Variants in DLGAP1 observed in about 807,000 individuals in gnomAD.
DLGAP1 encodes the protein DLG associated protein 1.
A neutral mutation model predicts 90.8 loss-of-function variants in DLGAP1; 11 were observed. The ratio of observed to expected loss-of-function variants is 0.12; its 90% CI spans 0.08 to 0.20. The LOEUF is 0.20. Ranked by LOEUF, DLGAP1 falls within the 10% of genes least tolerant of loss-of-function variation. DLGAP1 has a pLI of 1.00. For synonymous variants in DLGAP1, 558 were observed against 540.7 expected (o/e 1.03, Z -0.44); for missense variants, 1,050 against 1,333.8 (o/e 0.79, Z 3.31).
chr18:4,440,293 T>C (rs1300385737), intron 1 of DLGAP1, among the ~76,000 whole-genome samples: 6 of 152,156 alleles, frequency 3.9e-5, no homozygotes, highest in Non-Finnish European at 8.8e-5. Flanking sequence ...GATTGTGATG[T>C]GATGTACTCA....
intron 5 of DLGAP1, among the ~76,000 whole-genome samples, chr18:3,743,448 G>A (rs945583264): frequency 1.1e-4 from 16 of 148,836 alleles, no homozygotes; most frequent in Admixed American, 2.7e-4. Context: ...TCCACCTCCC[G>A]GGTTCATGCC....
At chr18:4,085,374 T>C (rs1301982209) in intron 2 of DLGAP1, among the ~76,000 whole-genome samples, 1 of 152,128 alleles carries the variant, frequency 6.6e-6, no homozygotes, top group African/African-American at 2.4e-5. Flanking sequence ...TCTGCTTCCT[T>C]TTCAGCAAAA....
chr18:4,293,306 G>C (rs2079895172), intron 1 of DLGAP1: 1 of 152,204 alleles, frequency 6.6e-6, no homozygotes, highest in Non-Finnish European at 1.5e-5. Context: ...CTCAGTGGAT[G>C]GTCAAGTTTG....
intron 7 of DLGAP1, among the ~76,000 whole-genome samples, chr18:3,721,269 A>G (rs923997716): frequency 2.0e-5 from 3 of 152,202 alleles, no homozygotes; most frequent in African/African-American, 7.2e-5. Context: ...CCAAGGGCAC[A>G]GACATCTGAC....
chr18:3,668,623 C>A (rs541249242), intron 7 of DLGAP1, among the ~76,000 whole-genome samples: 1 of 152,304 alleles, frequency 6.6e-6, no homozygotes, highest in East Asian at 1.9e-4. Flanking sequence ...TCTGCTCAGG[C>A]CTTCAAAACA....
chr18:4,255,429 T>C (rs1176714234), intron 1 of DLGAP1, among the ~76,000 whole-genome samples: 1 of 151,686 alleles, frequency 6.6e-6, no homozygotes, highest in Admixed American at 6.6e-5. Flanking sequence ...TATGTTACTC[T>C]CTCTCTTTGC....
At chr18:4,164,814 G>C (rs151042647) in intron 1 of DLGAP1, among the ~76,000 whole-genome samples, 1 of 152,184 alleles carries the variant, frequency 6.6e-6, no homozygotes, top group Admixed American at 6.5e-5. Context: ...CAAATGGAAA[G>C]TCTAGAACTA....
At chr18:3,977,038 G>A (rs1358668874) in intron 3 of DLGAP1, among the ~76,000 whole-genome samples, 5 of 152,098 alleles carry the variant, frequency 3.3e-5, no homozygotes, top group Non-Finnish European at 5.9e-5. Flanking sequence ...CTGCTGATTT[G>A]TTAATAGCTT....
intron 7 of DLGAP1, among the ~76,000 whole-genome samples, chr18:3,629,946 T>C (rs2058463432): frequency 6.6e-6 from 1 of 152,228 alleles, no homozygotes; most frequent in African/African-American, 2.4e-5. Context: ...CCATATCATT[T>C]TGGGAAGCTT....
At chr18:3,502,247 CA>C in intron 12 of DLGAP1, 1 of 1,352,834 alleles carries the variant, frequency 7.4e-7, no homozygotes, top group South Asian at 2.2e-5. Context: ...GTTTAATTAA[CA>C]AAAAAAGCCA....
intron 7 of DLGAP1, among the ~76,000 whole-genome samples, chr18:3,619,797 T>C (rs1193092924): frequency 7.8e-6 from 1 of 128,282 alleles, no homozygotes; most frequent in Non-Finnish European, 1.6e-5. Flanking sequence ...TTTGCCGGAG[T>C]TGGTTTTTTT....
intron 1 of DLGAP1, among the ~76,000 whole-genome samples, chr18:4,199,799 T>C (rs1382915148): frequency 2.0e-5 from 3 of 152,226 alleles, no homozygotes; most frequent in Admixed American, 1.3e-4. Context: ...TTCTTGATGT[T>C]ATAAAAAGAA....
At chr18:4,161,031 CTTT>C (rs5822798) in intron 1 of DLGAP1, among the ~76,000 whole-genome samples, 10 of 138,238 alleles carry the variant, frequency 7.2e-5, no homozygotes, top group Admixed American at 1.5e-4. Flanking sequence ...TTTCCTTATG[CTTT>C]TTTTTTTTTT....
chr18:3,786,743 T>C (rs1334161420), intron 5 of DLGAP1, among the ~76,000 whole-genome samples: 1 of 152,180 alleles, frequency 6.6e-6, no homozygotes, highest in Non-Finnish European at 1.5e-5. Flanking sequence ...GACTGCAGTG[T>C]TTATTTTTAA....
At chr18:4,425,160 C>T (rs2083124940) in intron 1 of DLGAP1, among the ~76,000 whole-genome samples, 1 of 151,144 alleles carries the variant, frequency 6.6e-6, no homozygotes, top group Admixed American at 6.6e-5. Context: ...ATTTCAAAAC[C>T]AAAAAAAATT....
At chr18:3,693,074 C>A (rs116083801) in intron 7 of DLGAP1, among the ~76,000 whole-genome samples, 179 of 152,278 alleles carry the variant, frequency 1.2e-3, no homozygotes, top group African/African-American at 4.0e-3. Flanking sequence ...TGTCAAGGAA[C>A]AAATGTGAGG....
intron 1 of DLGAP1, among the ~76,000 whole-genome samples, chr18:4,366,996 G>A (rs948521810): frequency 2.9e-5 from 2 of 69,790 alleles, no homozygotes; most frequent in African/African-American, 1.1e-4. Context: ...ATACGGCTCT[G>A]TCAATGGCAA....
At chr18:3,864,128 C>T (rs1468420773) in intron 4 of DLGAP1, among the ~76,000 whole-genome samples, 2 of 152,156 alleles carry the variant, frequency 1.3e-5, no homozygotes, top group East Asian at 3.9e-4. Flanking sequence ...GAATAAAAGA[C>T]TCAGGGAGAA....
chr18:3,828,570 C>A lies in DLGAP1; in HGVS notation c.958-14297G>T, dbSNP rs2067851729. On this transcript the variant is annotated intron_variant, in intron 4 of 12. Transcript: ENST00000315677. ...TGAGAGGATCTCCTGAGCCTAGGAG[C>A]TGAAGGCTCCAGTGAGTTGTGATCA... Among the ~76,000 whole-genome samples the A allele has an allele frequency of 2.2e-5, 3 of 136,756 alleles. No homozygotes were observed. The South Asian group carries it at 7.1e-4, about 33-fold the overall frequency. The allele number at this position is 136,756 out of a possible 152,430, so 89.7% of individuals were successfully genotyped here. A position where few individuals can be genotyped will look rare whatever the true frequency, so the allele number is the denominator to read the frequency against.
Sources: allele counts gnomAD v4.1 joint callset (sites outside exome capture counted in the v4.1 genomes callset), GRCh38; gene constraint gnomAD v4.1.1; transcripts MANE v1.5; gene names NCBI Gene and HGNC (gene_info 2026-07-23, HGNC 2026-07-21).